GSK3B: variants seen among roughly 807,000 people sequenced by gnomAD.
The protein encoded by GSK3B is glycogen synthase kinase-3 beta.
In GSK3B, 15 loss-of-function variants were observed where a neutral mutation model predicts 56.4. The ratio of observed to expected loss-of-function variants is 0.27; its 90% CI spans 0.18 to 0.41. The LOEUF (loss-of-function observed/expected upper bound fraction) is 0.41. Ranked by LOEUF, GSK3B falls within the 10% of genes least tolerant of loss-of-function variation. GSK3B has a pLI of 1.00. For missense variants in GSK3B, 300 were observed against 513.4 expected, an observed-to-expected ratio of 0.58 and a Z score of 4.02; for synonymous variants, 181 against 188.9, an observed-to-expected ratio of 0.96 and a Z score of 0.34.
At chr3:119,967,770 T>C (rs1192853554) in intron 2 of GSK3B, among the ~76,000 whole-genome samples, 2 of 151,252 alleles carry the variant, frequency 1.3e-5, no homozygotes, top group Non-Finnish European at 3.0e-5. Flanking sequence ...CCTTTTCTTT[T>C]CTTTCTCTTT....
At chr3:120,051,054 T>C (rs542257926) in intron 1 of GSK3B, among the ~76,000 whole-genome samples, 2 of 152,080 alleles carry the variant, frequency 1.3e-5, no homozygotes, top group South Asian at 4.2e-4. Flanking sequence ...TACAATCATT[T>C]TGAGAAGAAA....
At chr3:120,025,753 C>G (rs996498065) in intron 1 of GSK3B, among the ~76,000 whole-genome samples, 1 of 152,162 alleles carries the variant, frequency 6.6e-6, no homozygotes. Flanking sequence ...AAAAGTTAGT[C>G]AACCTAAAAG....
chr3:119,918,063 A>G (rs1003136891), intron 4 of GSK3B, among the ~76,000 whole-genome samples: 5 of 152,204 alleles, frequency 3.3e-5, no homozygotes, highest in African/African-American at 4.8e-5. Flanking sequence ...AACTTGCTCA[A>G]TATCACACAC....
At chr3:119,921,114 C>T (rs924610360) in intron 4 of GSK3B, among the ~76,000 whole-genome samples, 3 of 152,210 alleles carry the variant, frequency 2.0e-5, no homozygotes, top group African/African-American at 7.2e-5. Context: ...ATTATTAAGA[C>T]TCACATAAGA....
chr3:119,837,617 T>C (rs1226461096), intron 10 of GSK3B, among the ~76,000 whole-genome samples: 3 of 151,976 alleles, frequency 2.0e-5, no homozygotes, highest in Admixed American at 6.6e-5. Flanking sequence ...AGCAGAACCA[T>C]TGCATTGAAA....
chr3:120,073,993 A>T (rs1217344821), intron 1 of GSK3B, among the ~76,000 whole-genome samples: 1 of 152,230 alleles, frequency 6.6e-6, no homozygotes, highest in Non-Finnish European at 1.5e-5. Flanking sequence ...TGGAGACATT[A>T]CAATAGAAGC....
chr3:120,080,284 C>G (rs1365769966), intron 1 of GSK3B, among the ~76,000 whole-genome samples: 1 of 151,190 alleles, frequency 6.6e-6, no homozygotes, highest in Non-Finnish European at 1.5e-5. Context: ...GAGCAAGATT[C>G]TGTCTCCAAA....
chr3:120,087,315 A>C (rs959491279), intron 1 of GSK3B, among the ~76,000 whole-genome samples: 2 of 152,148 alleles, frequency 1.3e-5, no homozygotes, highest in African/African-American at 4.8e-5. Context: ...GGAAGATCAC[A>C]AGGTCAGGAT....
intron 2 of GSK3B, among the ~76,000 whole-genome samples, chr3:119,960,625 A>G (rs1397280964): frequency 6.6e-6 from 1 of 152,204 alleles, no homozygotes; most frequent in African/African-American, 2.4e-5. Context: ...AACTGCATAA[A>G]TATCTGAATA....
At chr3:119,972,656 C>T (rs1202051103) in intron 2 of GSK3B, among the ~76,000 whole-genome samples, 2 of 152,078 alleles carry the variant, frequency 1.3e-5, no homozygotes, top group African/African-American at 4.8e-5. Flanking sequence ...GGGATGTTCT[C>T]GATCTCCTGA....
intron 1 of GSK3B, among the ~76,000 whole-genome samples, chr3:120,077,678 T>C (rs879295680): frequency 3.5e-5 from 5 of 144,612 alleles, no homozygotes; most frequent in African/African-American, 1.2e-4. Flanking sequence ...TGGGTAACTA[T>C]GTGAGATGGA....
chr3:120,094,278 C>CGGTGCCCGCTCAGGA lies in GSK3B; in HGVS notation c.-859_-845dup, dbSNP rs2058544455. The CGGTGCCCGCTCAGGA allele has an allele frequency of 4.4e-6, 1 of 228,508 alleles. No homozygotes were observed. The highest frequency in any genetic ancestry group is 8.7e-6 in the Non-Finnish European group (1 of 114,362). The allele number at this position is 228,508 out of a possible 1,614,324, so 14.2% of individuals were successfully genotyped here. A position where few individuals can be genotyped will look rare whatever the true frequency, so the allele number is the denominator to read the frequency against. On this transcript the variant is annotated 5_prime_UTR_variant, in exon 1 of 11. Transcript: ENST00000264235. ...CGCCCTCCCGCCCCTCGGCTCTGCT[C>CGGTGCCCGCTCAGGA]GGTGCCCGCTCAGGAAGTGTCCGCG...
At chr3:120,074,714 A>C (rs1355346120) in intron 1 of GSK3B, among the ~76,000 whole-genome samples, 1 of 152,212 alleles carries the variant, frequency 6.6e-6, no homozygotes, top group Non-Finnish European at 1.5e-5. Flanking sequence ...GAATCAGAAA[A>C]AAAATAGAAA....
At chr3:119,903,279 G>A (rs1190571230) in intron 7 of GSK3B, among the ~76,000 whole-genome samples, 1 of 152,110 alleles carries the variant, frequency 6.6e-6, no homozygotes, top group Non-Finnish European at 1.5e-5. Context: ...AAATGCCCTG[G>A]ATGCTTGGAA....
chr3:119,895,207 T>C (rs1459752966), intron 7 of GSK3B, among the ~76,000 whole-genome samples: 1 of 152,132 alleles, frequency 6.6e-6, no homozygotes, highest in Non-Finnish European at 1.5e-5. Flanking sequence ...TTACTCTACT[T>C]AGCATAATGT....
rs115368357 is a variant in GSK3B, at chr3:120,057,911, C to G, written c.88+35436G>C. ...GCTCTCAGAGAGTCAGAAGCCCAAACTGTATTATGTTAAATACCACCTGTA... is the reference window on the plus strand; with the variant it reads ...GCTCTCAGAGAGTCAGAAGCCCAAAGTGTATTATGTTAAATACCACCTGTA... On this transcript the variant is annotated intron_variant, in intron 1 of 10. Coordinates refer to ENST00000264235, the MANE Select transcript of GSK3B (RefSeq NM_001146156.2). Among the ~76,000 whole-genome samples the G allele has an allele frequency of 8.6e-3, 1,313 of 152,074 alleles. 9 individuals are homozygous for G. The highest frequency in any genetic ancestry group is 0.013 in the Non-Finnish European group (914 of 67,964).
At chr3:119,882,849 G>A (rs1559821472) in intron 7 of GSK3B, among the ~76,000 whole-genome samples, 1 of 152,104 alleles carries the variant, frequency 6.6e-6, no homozygotes, top group African/African-American at 2.4e-5. Context: ...TTAAAAAAAG[G>A]TTTCTTTATT....
At chr3:119,928,629 A>AT (rs1559840712) in intron 3 of GSK3B, among the ~76,000 whole-genome samples, 5 of 150,822 alleles carry the variant, frequency 3.3e-5, no homozygotes, top group Non-Finnish European at 7.4e-5. Context: ...AAAAAAAAAA[A>AT]AAAAAAGAGG....
intron 1 of GSK3B, among the ~76,000 whole-genome samples, chr3:120,025,497 G>C (rs1297574752): frequency 1.3e-5 from 2 of 152,194 alleles, no homozygotes; most frequent in Non-Finnish European, 2.9e-5. Context: ...AGTAATTCTG[G>C]AGAAGATAGC....
Sources: gnomAD v4.1 joint callset for allele counts (sites outside exome capture counted in the v4.1 genomes callset) on GRCh38, gnomAD v4.1.1 for gene constraint, MANE v1.5 for transcripts, NCBI Gene and HGNC (gene_info 2026-07-23, HGNC 2026-07-21) for gene names.